SLC24A2: variants seen among roughly 807,000 people sequenced by gnomAD.
SLC24A2 encodes the protein sodium/potassium/calcium exchanger 2.
SLC24A2 carries 36 observed loss-of-function variants against 62.0 expected under a neutral mutation model. The ratio of observed to expected loss-of-function variants is 0.58; its 90% CI spans 0.44 to 0.77. SLC24A2 has a LOEUF of 0.77. Among genes scored for constraint, SLC24A2 ranks in the 30% least tolerant of loss-of-function variants. The pLI is 0.00. For synonymous variants in SLC24A2, 358 were observed against 294.0 expected, an observed-to-expected ratio of 1.22 and a Z score of -2.23; for missense variants, 846 against 817.9, an observed-to-expected ratio of 1.03 and a Z score of -0.42.
Position 19,636,373 on chromosome 9 carries a change from T to G in SLC24A2, c.931-14074A>C, listed in dbSNP as rs1454769637. On this transcript the variant is annotated intron_variant, in intron 2 of 10. Coordinates refer to ENST00000341998, the MANE Select transcript of SLC24A2 (RefSeq NM_020344.4). ...TTTCTTTCTTTCTTTCTTTCTTTCTTTCTTTCTTTCTTTCTCCCTCTCTCT... is the reference window on the plus strand; with the variant it reads ...TTTCTTTCTTTCTTTCTTTCTTTCTGTCTTTCTTTCTTTCTCCCTCTCTCT... 1.4e-4 allele frequency among the ~76,000 whole-genome samples: 4 copies of G among 29,562 alleles called. 1 individual carries two copies. The highest frequency in any genetic ancestry group is 2.6e-4 in the Non-Finnish European group (4 of 15,642). The allele number at this position is 29,562 out of a possible 152,430, so 19.4% of individuals were successfully genotyped here.
At chr9:19,549,811 G>A (rs1042253585) in intron 8 of SLC24A2, among the ~76,000 whole-genome samples, 7 of 152,172 alleles carry the variant, frequency 4.6e-5, no homozygotes, top group African/African-American at 1.7e-4. Flanking sequence ...TTGATCGACA[G>A]GATCCAAGAA....
rs373694977 is a variant in SLC24A2, at chr9:19,782,061, G to GCTT, written c.930+3873_930+3875dup. Among the ~76,000 whole-genome samples, 1,025 of 152,320 alleles carry GCTT rather than the reference G, an allele frequency of 6.7e-3. 12 individuals are homozygous for GCTT. Among genetic ancestry groups the GCTT allele is most frequent in the African/African-American group, 0.023 (945 of 41,570 alleles). ...AGTAGTCTGGCCCTCCAACTATCCAGCTTTAAGCATCTTTATTTAGATTGT... is the reference window on the plus strand; with the variant it reads ...AGTAGTCTGGCCCTCCAACTATCCAGCTTCTTTAAGCATCTTTATTTAGATTGT... On this transcript the variant is annotated intron_variant, in intron 2 of 10. Coordinates refer to ENST00000341998, the MANE Select transcript of SLC24A2 (RefSeq NM_020344.4).
the SLC24A2 span, among the ~76,000 whole-genome samples, chr9:19,852,230 T>G: frequency 6.6e-6 from 1 of 152,226 alleles, no homozygotes; most frequent in Non-Finnish European, 1.5e-5. Flanking sequence ...ATATCAGACC[T>G]CTGTCAGATG....
the SLC24A2 span, among the ~76,000 whole-genome samples, chr9:19,801,472 C>T: frequency 3.3e-5 from 5 of 152,164 alleles, no homozygotes; most frequent in African/African-American, 9.7e-5. Context: ...CGAGCCATAA[C>T]AAACACGGAC....
chr9:19,544,436 G>T (rs1247014502), intron 8 of SLC24A2, among the ~76,000 whole-genome samples: 1 of 151,982 alleles, frequency 6.6e-6, no homozygotes, highest in Non-Finnish European at 1.5e-5. Context: ...TACATTTAAG[G>T]TTAATATTGT....
chr9:19,519,321 A>G (rs989810777), intron 10 of SLC24A2, among the ~76,000 whole-genome samples: 1 of 129,810 alleles, frequency 7.7e-6, no homozygotes, highest in Non-Finnish European at 1.6e-5. Context: ...TAATAGGATT[A>G]GGAGTGATTT....
intron 2 of SLC24A2, among the ~76,000 whole-genome samples, chr9:19,644,642 CCTCA>C (rs1818591854): frequency 6.6e-6 from 1 of 152,260 alleles, no homozygotes; most frequent in African/African-American, 2.4e-5. Flanking sequence ...AAATTACAGT[CCTCA>C]CTGTTTTCCT....
intron 8 of SLC24A2, among the ~76,000 whole-genome samples, chr9:19,532,804 T>C (rs1833771813): frequency 6.6e-6 from 1 of 152,220 alleles, no homozygotes; most frequent in Non-Finnish European, 1.5e-5. Context: ...TAATAGAAAT[T>C]GCAAACATCT....
At chr9:20,201,160 C>T in the SLC24A2 span, among the ~76,000 whole-genome samples, 4 of 152,294 alleles carry the variant, frequency 2.6e-5, no homozygotes, top group Admixed American at 2.0e-4. Flanking sequence ...TGGGGATTTG[C>T]TTATCCTCAC....
At chr9:20,074,994 G>T in the SLC24A2 span, among the ~76,000 whole-genome samples, 53 of 152,216 alleles carry the variant, frequency 3.5e-4, no homozygotes, top group Admixed American at 1.1e-3. Context: ...GTTTCTGCAT[G>T]TAAGAAATAA....
chr9:20,058,952 A>G, the SLC24A2 span, among the ~76,000 whole-genome samples: 10 of 152,046 alleles, frequency 6.6e-5, no homozygotes, highest in Non-Finnish European at 4.4e-5. Context: ...GTAGTTGCAC[A>G]CTCTTCTCCC....
chr9:19,610,402 G>A (rs545876884), intron 4 of SLC24A2, among the ~76,000 whole-genome samples: 29 of 152,188 alleles, frequency 1.9e-4, no homozygotes, highest in African/African-American at 6.3e-4. Flanking sequence ...TTCTTGTTGC[G>A]ATGATAATTC....
the SLC24A2 span, among the ~76,000 whole-genome samples, chr9:19,889,737 T>C: frequency 0.41 from 61,868 of 152,070 alleles, 13,169 homozygotes; most frequent in East Asian, 0.84. Context: ...AGTTTTACCA[T>C]GGTGGCTGTC....
At chr9:20,006,834 T>A in the SLC24A2 span, among the ~76,000 whole-genome samples, 1 of 152,206 alleles carries the variant, frequency 6.6e-6, no homozygotes, top group South Asian at 2.1e-4. Context: ...TGTGTGTTCC[T>A]GTGTAAGTTG....
At chr9:20,002,405 T>C in the SLC24A2 span, among the ~76,000 whole-genome samples, 1 of 149,916 alleles carries the variant, frequency 6.7e-6, no homozygotes, top group East Asian at 2.0e-4. Flanking sequence ...ATTAGTTTGG[T>C]ACCCTTTTGA....
At chr9:19,741,391 C>G (rs1025334114) in intron 2 of SLC24A2, among the ~76,000 whole-genome samples, 3 of 152,094 alleles carry the variant, frequency 2.0e-5, no homozygotes. Flanking sequence ...TTTTGGGATT[C>G]GTCCCAGAGG....
chr9:20,046,428 C>A, the SLC24A2 span, among the ~76,000 whole-genome samples: 22 of 152,192 alleles, frequency 1.4e-4, no homozygotes, highest in Admixed American at 7.2e-4. Flanking sequence ...TTGGCAATGC[C>A]AAGGGCTTTT....
chr9:20,113,659 T>A, the SLC24A2 span, among the ~76,000 whole-genome samples: 1 of 152,198 alleles, frequency 6.6e-6, no homozygotes, highest in Non-Finnish European at 1.5e-5. Context: ...TCATTTTTTT[T>A]CTCTGAACAC....
chr9:19,581,818 T>A (rs1467421669), intron 5 of SLC24A2, among the ~76,000 whole-genome samples: 5 of 152,124 alleles, frequency 3.3e-5, no homozygotes, highest in African/African-American at 1.2e-4. Context: ...CTGCCAAAAA[T>A]GAATTATGAT....
Sources: allele counts gnomAD v4.1 joint callset (sites outside exome capture counted in the v4.1 genomes callset), GRCh38; gene constraint gnomAD v4.1.1; transcripts MANE v1.5; gene names NCBI Gene and HGNC (gene_info 2026-07-23, HGNC 2026-07-21).